Variants in SOX5 observed in about 807,000 individuals in gnomAD.
SOX5 encodes SRY-box transcription factor 5.
SOX5 carries 9 observed loss-of-function variants against 92.0 expected under a neutral mutation model. The ratio of observed to expected loss-of-function variants is 0.10; its 90% confidence interval spans 0.06 to 0.17. The LOEUF is 0.17. Among genes scored for constraint, SOX5 ranks in the 10% least tolerant of loss-of-function variants. The pLI is 1.00. For synonymous variants in SOX5, 344 were observed against 336.3 expected (o/e 1.02, Z -0.25); for missense variants, 642 against 944.5 (o/e 0.68, Z 4.20).
chr12:23,779,840 T>C (rs757504894), intron 3 of SOX5, among the ~76,000 whole-genome samples: 3,154 of 91,796 alleles, frequency 0.034, 42 homozygotes, highest in Non-Finnish European at 0.047. Flanking sequence ...CACACACACA[T>C]ATGCATACAT....
intron 2 of SOX5, among the ~76,000 whole-genome samples, chr12:24,343,111 T>C (rs1470167344): frequency 6.6e-6 from 1 of 152,248 alleles, no homozygotes; most frequent in Non-Finnish European, 1.5e-5. Context: ...GTTTGCATTA[T>C]GGATCTAAAG....
chr12:23,549,363 T>C (rs1943743176), intron 11 of SOX5, among the ~76,000 whole-genome samples: 1 of 151,984 alleles, frequency 6.6e-6, no homozygotes, highest in Non-Finnish European at 1.5e-5. Context: ...GTTGGTGATA[T>C]AGATCTTATA....
intron 1 of SOX5, among the ~76,000 whole-genome samples, chr12:24,449,875 C>A (rs1448797595): frequency 6.6e-6 from 1 of 152,118 alleles, no homozygotes. Flanking sequence ...TATGTTTATG[C>A]CACTCCTGTG....
intron 6 of SOX5, among the ~76,000 whole-genome samples, chr12:23,729,956 A>G (rs1251356684): frequency 1.3e-5 from 2 of 152,128 alleles, no homozygotes; most frequent in African/African-American, 2.4e-5. Context: ...CTGTCCCACC[A>G]GAAGCTTCAA....
At chr12:23,604,069 G>A (rs1189195426) in intron 9 of SOX5, 7 of 223,258 alleles carry the variant, frequency 3.1e-5, no homozygotes, top group Admixed American at 4.9e-5. Context: ...ATAGAGTATG[G>A]CTATTTGGCT....
chr12:24,250,099 G>A (rs796345632), intron 3 of SOX5, among the ~76,000 whole-genome samples: 9 of 152,246 alleles, frequency 5.9e-5, no homozygotes, highest in African/African-American at 2.2e-4. Context: ...TAAGATTCTA[G>A]AAATCCATCT....
At chr12:23,799,810 T>G (rs1435689013) in intron 3 of SOX5, among the ~76,000 whole-genome samples, 2 of 151,978 alleles carry the variant, frequency 1.3e-5, no homozygotes, top group Admixed American at 6.6e-5. Context: ...ATTACAGACC[T>G]ATGCTCTTTT....
chr12:23,695,694 C>A (rs113807174), intron 6 of SOX5, among the ~76,000 whole-genome samples: 119 of 152,154 alleles, frequency 7.8e-4, no homozygotes, highest in African/African-American at 2.7e-3. Flanking sequence ...GTAATCCCAG[C>A]ACTTTGGGAG....
chr12:24,385,082 G>A (rs1958243934), intron 1 of SOX5, among the ~76,000 whole-genome samples: 1 of 152,034 alleles, frequency 6.6e-6, no homozygotes, highest in Non-Finnish European at 1.5e-5. Context: ...TGTTATAATT[G>A]TTCTATTTTA....
At position 24,346,820 on chromosome 12, in the gene SOX5, T is replaced by C. The variant is rs1177156330; in HGVS notation, c.-174+21743A>G. Among the ~76,000 whole-genome samples the C allele has an allele frequency of 7.2e-5, 11 of 151,982 alleles. No individual in the cohort carries two copies. In the East Asian group the frequency reaches 7.7e-4, roughly 11 times the overall value. On this transcript the variant is annotated intron_variant, in intron 2 of 4. Transcript: ENST00000446891. ...GCATGTTCTCACTCATAGGTGGGAA[T>C]TGAATAATGAGAACACTTGGACACA...
chr12:23,796,463 A>G (rs1022320568), intron 3 of SOX5, among the ~76,000 whole-genome samples: 3 of 152,108 alleles, frequency 2.0e-5, no homozygotes, highest in Non-Finnish European at 4.4e-5. Context: ...TGAGTTGCAT[A>G]GCTAATGCTT....
intron 1 of SOX5, among the ~76,000 whole-genome samples, chr12:24,383,823 C>A (rs933748390): frequency 1.3e-5 from 2 of 152,082 alleles, no homozygotes; most frequent in African/African-American, 4.8e-5. Context: ...GATCATCAGG[C>A]ATTAGTTAGT....
intron 2 of SOX5, among the ~76,000 whole-genome samples, chr12:24,298,783 C>CA (rs10657648): frequency 0.031 from 3,042 of 96,644 alleles, 313 homozygotes; most frequent in East Asian, 0.14. Flanking sequence ...CCAGAGTAGT[C>CA]AAAAAAAAAA....
chr12:24,061,457 G>C (rs1428600923), intron 4 of SOX5, among the ~76,000 whole-genome samples: 1 of 150,688 alleles, frequency 6.6e-6, no homozygotes, highest in African/African-American at 2.4e-5. Flanking sequence ...GGATATGGAG[G>C]TCATATCCAT....
intron 6 of SOX5, among the ~76,000 whole-genome samples, chr12:23,713,860 A>G (rs1418450859): frequency 1.3e-5 from 2 of 151,188 alleles, no homozygotes; most frequent in African/African-American, 4.8e-5. Flanking sequence ...GAGAGGCCAA[A>G]GCGGGTGGAT....
chr12:24,287,988 A>G (rs533175752), intron 2 of SOX5, among the ~76,000 whole-genome samples: 3 of 152,312 alleles, frequency 2.0e-5, no homozygotes, highest in African/African-American at 7.2e-5. Context: ...AAACTATGGA[A>G]GCGTTAATTT....
chr12:24,067,222 G>T (rs1592835866), intron 4 of SOX5, among the ~76,000 whole-genome samples: 1 of 152,132 alleles, frequency 6.6e-6, no homozygotes, highest in Non-Finnish European at 1.5e-5. Context: ...TTTATTTTAT[G>T]TCTCAAATAA....
chr12:24,372,261 TCTC>T (rs1188118675), intron 1 of SOX5, among the ~76,000 whole-genome samples: 4 of 152,130 alleles, frequency 2.6e-5, no homozygotes, highest in African/African-American at 9.7e-5. Context: ...ATTAGGTATT[TCTC>T]CTAATGCTAT....
intron 4 of SOX5, among the ~76,000 whole-genome samples, chr12:24,041,137 G>A (rs1426948815): frequency 6.6e-6 from 1 of 152,170 alleles, no homozygotes; most frequent in African/African-American, 2.4e-5. Context: ...AAATGGATAA[G>A]AGATATCAAA....
Sources: gnomAD v4.1 joint callset for allele counts (sites outside exome capture counted in the v4.1 genomes callset) on GRCh38, gnomAD v4.1.1 for gene constraint, MANE v1.5 for transcripts, NCBI Gene and HGNC (gene_info 2026-07-23, HGNC 2026-07-21) for gene names.